ROBO2: variants seen among roughly 807,000 people sequenced by gnomAD.
ROBO2 encodes the protein roundabout homolog 2.
In ROBO2, 53 loss-of-function variants were observed where a neutral mutation model predicts 160.8. The observed-to-expected ratio is 0.33, with a 90% CI of 0.26 to 0.41. The LOEUF (loss-of-function observed/expected upper bound fraction) is 0.41, where lower values mean the gene tolerates loss of function less well. ROBO2 is among the 10% of genes least tolerant of loss of function. ROBO2 has a pLI of 1.00. For synonymous variants in ROBO2, 664 were observed against 611.7 expected (o/e 1.09, Z -1.26); for missense variants, 1,577 against 1,722.4 (o/e 0.92, Z 1.49).
intron 19 of ROBO2, among the ~76,000 whole-genome samples, chr3:77,600,266 T>C (rs2094404214): frequency 6.6e-6 from 1 of 152,208 alleles, no homozygotes; most frequent in South Asian, 2.1e-4. Flanking sequence ...TGTGCAATAT[T>C]CCAATATTTC....
intron 2 of ROBO2, among the ~76,000 whole-genome samples, chr3:77,249,747 CAG>C (rs1457234974): frequency 1.3e-5 from 2 of 151,900 alleles, no homozygotes; most frequent in African/African-American, 4.8e-5. Flanking sequence ...AGTCAGAAAT[CAG>C]AGTGTTTCTT....
chr3:76,621,229 G>A (rs2109254960), intron 2 of ROBO2, among the ~76,000 whole-genome samples: 1 of 148,898 alleles, frequency 6.7e-6, no homozygotes, highest in South Asian at 2.1e-4. Flanking sequence ...TCATTTTATT[G>A]CTTTACTTAC....
chr3:76,194,361 T>TATATATATAC (rs1553672759), intron 2 of ROBO2, among the ~76,000 whole-genome samples: 4 of 106,004 alleles, frequency 3.8e-5, no homozygotes, highest in African/African-American at 1.6e-4. Context: ...TAAATATATA[T>TATATATATAC]ATATATATAT....
chr3:76,328,463 T>A (rs2073197886), intron 2 of ROBO2, among the ~76,000 whole-genome samples: 2 of 152,216 alleles, frequency 1.3e-5, no homozygotes, highest in African/African-American at 4.8e-5. Context: ...TCATTGCATT[T>A]TTATAAAATA....
At chr3:77,178,686 C>T (rs1036030379) in intron 2 of ROBO2, among the ~76,000 whole-genome samples, 1 of 151,874 alleles carries the variant, frequency 6.6e-6, no homozygotes, top group Non-Finnish European at 1.5e-5. Context: ...TATATATTGC[C>T]ATGTACATAT....
chr3:76,292,139 T>C lies in ROBO2; in HGVS notation c.109+354537T>C, dbSNP rs374856196. The stretch of plus-strand genomic sequence containing the variant: ...GTCTCCTGCTATGATTGTGTGGCTA[T>C]CTAAGTTTCTACCATTTCTTGTTGG... On this transcript the variant is annotated intron_variant, in intron 2 of 26. Coordinates refer to the ROBO2 transcript ENST00000487694. Among the ~76,000 whole-genome samples, 11 of 152,312 alleles carry C rather than the reference T, an allele frequency of 7.2e-5. No individual in the cohort carries two copies. In the South Asian group the frequency reaches 2.1e-3, roughly 29 times the overall value.
At chr3:77,032,703 G>GAGAT (rs1406466715) in intron 2 of ROBO2, among the ~76,000 whole-genome samples, 1 of 152,150 alleles carries the variant, frequency 6.6e-6, no homozygotes, top group Non-Finnish European at 1.5e-5. Flanking sequence ...AACAGAGAGT[G>GAGAT]AGATGTTCTG....
chr3:77,523,047 T>C, intron 6 of ROBO2, 145 bp downstream of exon 6: 1 of 863,728 alleles, frequency 1.2e-6, no homozygotes, highest in Non-Finnish European at 1.9e-6. Context: ...TATCATTAGT[T>C]GAAATAAAAT....
At chr3:76,543,150 A>C (rs955805892) in intron 2 of ROBO2, among the ~76,000 whole-genome samples, 2 of 152,272 alleles carry the variant, frequency 1.3e-5, no homozygotes, top group African/African-American at 4.8e-5. Context: ...AAATTTTCTT[A>C]GTAGTATTGT....
At chr3:76,183,728 C>A (rs1160895824) in intron 2 of ROBO2, among the ~76,000 whole-genome samples, 3 of 152,068 alleles carry the variant, frequency 2.0e-5, no homozygotes, top group Non-Finnish European at 4.4e-5. Context: ...TTGCAGTCTT[C>A]ACAACAGCCC....
chr3:76,307,845 T>C (rs2107766728), intron 2 of ROBO2, among the ~76,000 whole-genome samples: 1 of 152,212 alleles, frequency 6.6e-6, no homozygotes, highest in South Asian at 2.1e-4. Context: ...ACTTAAAACC[T>C]CACATATATT....
rs376258303 is a variant in ROBO2 at position 77,077,813 on chromosome 3, C to G, written c.62-20201C>G. Among the ~76,000 whole-genome samples, 5 of 152,294 alleles carry G rather than the reference C, an allele frequency of 3.3e-5. No homozygotes were observed. In the East Asian group the frequency reaches 5.8e-4, roughly 18 times the overall value. On this transcript the variant is annotated intron_variant, in intron 1 of 25. Transcript: ENST00000461745. Reference sequence around the variant, plus strand: ...GGAGTCTTGGAGTGTACTGGTGGCTCAGCTGCATAGAGAATCATTCCTGGG... The same window carrying G: ...GGAGTCTTGGAGTGTACTGGTGGCTGAGCTGCATAGAGAATCATTCCTGGG...
intron 1 of ROBO2, among the ~76,000 whole-genome samples, chr3:77,071,092 AAGG>A: frequency 6.6e-6 from 1 of 152,280 alleles, no homozygotes. Flanking sequence ...TATGCTGTGA[AAGG>A]AAAGTCCCTT....
At chr3:77,585,082 A>C (rs1395036863) in intron 16 of ROBO2, among the ~76,000 whole-genome samples, 1 of 151,158 alleles carries the variant, frequency 6.6e-6, no homozygotes, top group African/African-American at 2.4e-5. Flanking sequence ...GTTCTAAGTG[A>C]AGGATAACTA....
chr3:77,044,192 A>G (rs143813549), intron 1 of ROBO2, among the ~76,000 whole-genome samples: 5 of 152,284 alleles, frequency 3.3e-5, no homozygotes, highest in Non-Finnish European at 7.4e-5. Flanking sequence ...TGATTATATA[A>G]AAAGAGCAGT....
At chr3:76,472,692 T>C (rs571856736) in intron 2 of ROBO2, among the ~76,000 whole-genome samples, 4 of 152,342 alleles carry the variant, frequency 2.6e-5, no homozygotes, top group Admixed American at 2.0e-4. Context: ...TATTTTGTTA[T>C]ATAATCTCTT....
At chr3:77,344,872 G>C (rs886915972) in intron 2 of ROBO2, among the ~76,000 whole-genome samples, 8 of 152,070 alleles carry the variant, frequency 5.3e-5, no homozygotes, top group South Asian at 2.1e-4. Flanking sequence ...TGAACATACT[G>C]TTTCTTCTTG....
chr3:77,133,807 T>C (rs72891540), intron 2 of ROBO2, among the ~76,000 whole-genome samples: 17,190 of 152,176 alleles, frequency 0.11, 2,100 homozygotes, highest in African/African-American at 0.3. Context: ...ATTTGTTTGT[T>C]ATATATGTTG....
At chr3:77,639,553 T>G (rs1275258409) in intron 24 of ROBO2, among the ~76,000 whole-genome samples, 1 of 152,192 alleles carries the variant, frequency 6.6e-6, no homozygotes, top group Non-Finnish European at 1.5e-5. Context: ...GGAAAGGTTA[T>G]TCCAGGAAAT....
Sources: gnomAD v4.1 joint callset for allele counts (sites outside exome capture counted in the v4.1 genomes callset) on GRCh38, gnomAD v4.1.1 for gene constraint, MANE v1.5 for transcripts, NCBI Gene and HGNC (gene_info 2026-07-23, HGNC 2026-07-21) for gene names.